SH3PXD2B: variants seen among roughly 807,000 people sequenced by gnomAD.
The protein encoded by SH3PXD2B is SH3 and PX domain-containing protein 2B.
Under a neutral mutation model 73.1 loss-of-function variants are expected in SH3PXD2B, and 37 were observed. The ratio of observed to expected loss-of-function variants is 0.51; its 90% confidence interval spans 0.39 to 0.67. The LOEUF (loss-of-function observed/expected upper bound fraction) is 0.67, where lower values mean the gene tolerates loss of function less well. Ranked by LOEUF, SH3PXD2B falls within the 30% of genes least tolerant of loss-of-function variation. The probability of loss-of-function intolerance (pLI) is 0.00; values close to 1 mark genes in which losing one functional copy is unlikely to be tolerated. For missense variants in SH3PXD2B, 1,053 were observed against 1,197.8 expected (o/e 0.88, Z 1.78); for synonymous variants, 457 against 480.5 (o/e 0.95, Z 0.64).
At position 172,382,116 on chromosome 5, in the gene SH3PXD2B, C is replaced by A. The variant is rs1561914911; in HGVS notation, c.321G>T (p.Gln107His). ...PIDEYCKALI[Q>H]LPPYISQCDE... ...CACACTGAGAGATGTAGGGGGGCAG[C>A]TGGATGAGGGCCTGGAGAAGAGAGA... The change falls in exon 5 of 13, where the codon CAG becomes CAT. Residue 107 changes from glutamine to histidine, a missense_variant. Physicochemically the swap from Gln to His is conservative, Grantham distance 24. Coordinates refer to ENST00000311601, the MANE Select transcript of SH3PXD2B (RefSeq NM_001017995.3). 1 of 1,607,404 alleles carries A rather than the reference C, an allele frequency of 6.2e-7. No individual in the cohort carries two copies. The highest frequency in any genetic ancestry group is 8.5e-7 in the Non-Finnish European group (1 of 1,177,214).
intron 1 of SH3PXD2B, among the ~76,000 whole-genome samples, chr5:172,439,063 AC>A (rs1216208377): frequency 1.3e-5 from 2 of 151,254 alleles, no homozygotes; most frequent in Admixed American, 1.3e-4. Flanking sequence ...ATGTGGTGAA[AC>A]CCCGTCTCTA....
chr5:172,398,273 G>GT (rs1008660551), intron 3 of SH3PXD2B, among the ~76,000 whole-genome samples: 3 of 152,060 alleles, frequency 2.0e-5, no homozygotes, highest in East Asian at 1.9e-4. Flanking sequence ...CTTAAAGATT[G>GT]TTTTTTTCAT....
In SH3PXD2B at chr5:172,382,042, G is replaced by C. The variant is rs778527787; in HGVS notation, c.395C>G (p.Pro132Arg). The change falls in exon 5 of 13, where the codon CCC becomes CGC. Residue 132 changes from proline to arginine, a missense_variant. Physicochemically the swap from Pro to Arg is moderately radical, Grantham distance 103. Transcript: ENST00000311601. The stretch of plus-strand genomic sequence containing the variant: ...AGCCCACAAACAAACTTACTCTTTG[G>C]GGGGATTCAGGTCCTCAGGTCTTGT... ...FETRPEDLNP[P>R]KEEHIGKKKS... 14 of 1,610,728 alleles carry C rather than the reference G, an allele frequency of 8.7e-6. No individual in the cohort carries two copies. In the East Asian group the frequency reaches 8.9e-5, roughly 10 times the overall value.
chr5:172,377,677 T>A (rs943165118), intron 5 of SH3PXD2B, among the ~76,000 whole-genome samples: 1 of 152,198 alleles, frequency 6.6e-6, no homozygotes, highest in South Asian at 2.1e-4. Flanking sequence ...ACAAAGAGAT[T>A]TGAACCTTCC....
intron 4 of SH3PXD2B, among the ~76,000 whole-genome samples, chr5:172,385,432 A>G (rs921749927): frequency 4.6e-5 from 7 of 152,192 alleles, no homozygotes; most frequent in African/African-American, 1.7e-4. Context: ...CTTGGTCTAG[A>G]GAGTCCAGGA....
rs200157520 is a variant in SH3PXD2B, at chr5:172,435,597, A to AT, written c.76-13102dup. Among the ~76,000 whole-genome samples, 1,492 of 152,128 alleles carry AT rather than the reference A, an allele frequency of 9.8e-3. 20 individuals carry two copies. Among genetic ancestry groups the AT allele is most frequent in the African/African-American group, 0.028 (1,147 of 41,488 alleles). On this transcript the variant is annotated intron_variant, in intron 1 of 12. Coordinates refer to ENST00000311601, the MANE Select transcript of SH3PXD2B (RefSeq NM_001017995.3). ...ACCACCATGCCTGGCTAATAAACAA[A>AT]TTTTTTTGTAGAGATGGGATCTCAG...
chr5:172,396,856 G>A (rs1758313142), intron 3 of SH3PXD2B, among the ~76,000 whole-genome samples: 1 of 151,966 alleles, frequency 6.6e-6, no homozygotes, highest in Non-Finnish European at 1.5e-5. Context: ...CAGGAGAATC[G>A]CTTGAACCCA....
chr5:172,429,374 G>A (rs1340734405), intron 1 of SH3PXD2B, among the ~76,000 whole-genome samples: 1 of 152,196 alleles, frequency 6.6e-6, no homozygotes, highest in Non-Finnish European at 1.5e-5. Context: ...TAAGGAACAA[G>A]GAAGCACAGA....
chr5:172,399,685 A>G (rs964613488), intron 3 of SH3PXD2B, among the ~76,000 whole-genome samples: 3 of 152,056 alleles, frequency 2.0e-5, no homozygotes, highest in African/African-American at 7.2e-5. Flanking sequence ...TAAAAATCTC[A>G]CCATTTCTAT....
intron 1 of SH3PXD2B, among the ~76,000 whole-genome samples, chr5:172,423,548 G>A (rs5020260): frequency 1.7e-5 from 2 of 120,336 alleles, no homozygotes; most frequent in African/African-American, 5.8e-5. Context: ...ACGGGGTTGG[G>A]GGGGGGGGCG....
chr5:172,392,078 G>C (rs1338369267), intron 4 of SH3PXD2B, among the ~76,000 whole-genome samples: 1 of 151,574 alleles, frequency 6.6e-6, no homozygotes, highest in Non-Finnish European at 1.5e-5. Flanking sequence ...GCTGTTGTGG[G>C]TTATAGTGTT....
chr5:172,329,947 T>C (rs1296778547), downstream of SH3PXD2B, among the ~76,000 whole-genome samples: 2 of 152,204 alleles, frequency 1.3e-5, no homozygotes, highest in African/African-American at 2.4e-5. Context: ...GTTTAGGAGA[T>C]AGAAAAATTC....
intron 1 of SH3PXD2B, among the ~76,000 whole-genome samples, chr5:172,436,647 T>G (rs912041742): frequency 6.6e-6 from 1 of 152,156 alleles, no homozygotes; most frequent in African/African-American, 2.4e-5. Context: ...CTGTTTCTCA[T>G]ACCTACGAAA....
intron 2 of SH3PXD2B, among the ~76,000 whole-genome samples, chr5:172,416,686 C>G (rs1198210499): frequency 1.0e-5 from 1 of 95,342 alleles, no homozygotes; most frequent in Non-Finnish European, 1.9e-5. Flanking sequence ...GAGTCTCTCT[C>G]TCTCTCTCTC....
At chr5:172,360,017 C>T (rs1210689221) in intron 7 of SH3PXD2B, among the ~76,000 whole-genome samples, 2 of 152,144 alleles carry the variant, frequency 1.3e-5, no homozygotes, top group African/African-American at 2.4e-5. Context: ...AGATCCTATT[C>T]GGAACCTAAA....
intron 1 of SH3PXD2B, among the ~76,000 whole-genome samples, chr5:172,435,635 C>CA (rs1345787768): frequency 2.0e-5 from 3 of 152,152 alleles, no homozygotes; most frequent in Non-Finnish European, 4.4e-5. Flanking sequence ...TGCTGACCAG[C>CA]ATGGTCTGGA....
intron 12 of SH3PXD2B, among the ~76,000 whole-genome samples, chr5:172,342,352 C>T (rs1053813137): frequency 3.3e-5 from 5 of 152,270 alleles, no homozygotes; most frequent in South Asian, 2.1e-4. Context: ...GCATGCAGAA[C>T]GGAGCCTCAG....
In SH3PXD2B at chr5:172,350,533, T is replaced by G; in HGVS notation, c.842A>C (p.Glu281Ala). Residue 281 changes from glutamate (E) to alanine (A), a missense_variant, in exon 10 of 13, where the codon GAG (glutamate) becomes GCG (alanine). By Grantham distance (107) the Glu-to-Ala change is moderately radical. Around this residue, in one of 2 missense-constraint regions of SH3PXD2B, gnomAD observed 466 missense variants for 607.1 expected, o/e 0.77. Transcript: ENST00000311601. Reference sequence around the variant, plus strand: ...AGGGCCTGGCTTCGGGGGCAAGGGCTCCCCACTGTTCTTCTTTAGGTAGGA... The same window carrying G: ...AGGGCCTGGCTTCGGGGGCAAGGGCGCCCCACTGTTCTTCTTTAGGTAGGA... ...PASYLKKNSGEPLPPKPGPGS... is the reference protein window; with the variant it reads ...PASYLKKNSGAPLPPKPGPGS... 1 of 1,613,878 alleles carries G rather than the reference T, an allele frequency of 6.2e-7. No individual in the cohort carries two copies. Among genetic ancestry groups the G allele is most frequent in the Non-Finnish European group, 8.5e-7 (1 of 1,179,916 alleles).
At chr5:172,453,333 G>A (rs1163935086) in intron 1 of SH3PXD2B, among the ~76,000 whole-genome samples, 1 of 152,040 alleles carries the variant, frequency 6.6e-6, no homozygotes, top group Non-Finnish European at 1.5e-5. Context: ...CTTCCCTGCT[G>A]TAATGAGGCC....
Sources: allele counts gnomAD v4.1 joint callset (sites outside exome capture counted in the v4.1 genomes callset), GRCh38; gene constraint gnomAD v4.1.1; regional missense constraint gnomAD v4.1.1; transcripts MANE v1.5; gene names NCBI Gene and HGNC (gene_info 2026-07-23, HGNC 2026-07-21).